Variants in SLC14A2 observed in about 807,000 individuals in gnomAD.
SLC14A2 encodes the protein urea transporter 2.
In SLC14A2, 91 loss-of-function variants were observed where a neutral mutation model predicts 104.6. The observed-to-expected ratio is 0.87, with a 90% CI of 0.73 to 1.04. SLC14A2 has a LOEUF of 1.04. SLC14A2 is among the 50% of genes least tolerant of loss of function. The pLI is 0.00. For missense variants in SLC14A2, 1,189 were observed against 1,156.0 expected, an observed-to-expected ratio of 1.03 and a Z score of -0.41; for synonymous variants, 476 against 466.4, an observed-to-expected ratio of 1.02 and a Z score of -0.27.
At chr18:45,445,106 C>CTTTTTTTT (rs34188378) in intron 1 of SLC14A2, among the ~76,000 whole-genome samples, 2 of 94,748 alleles carry the variant, frequency 2.1e-5, no homozygotes, top group African/African-American at 4.3e-5. Flanking sequence ...AATTGACATG[C>CTTTTTTTT]TTTTTTTTTT....
chr18:45,199,711 TGGTTGTATG>T, the SLC14A2 span, among the ~76,000 whole-genome samples: 2 of 152,192 alleles, frequency 1.3e-5, no homozygotes, highest in Non-Finnish European at 2.9e-5. Context: ...TCAAACCTCT[TGGTTGTATG>T]GGTTGTCTGG....
intron 1 of SLC14A2, among the ~76,000 whole-genome samples, chr18:45,299,397 GTGCACACACACATGTGCGCA>G (rs1458137346): frequency 6.6e-6 from 1 of 152,220 alleles, no homozygotes; most frequent in African/African-American, 2.4e-5. Context: ...AAAGCCAGGG[GTGCACACACACATGTGCGCA>G]TGCACACACA....
chr18:45,644,964 G>C (rs1434565753), intron 10 of SLC14A2, among the ~76,000 whole-genome samples: 1 of 152,102 alleles, frequency 6.6e-6, no homozygotes, highest in Non-Finnish European at 1.5e-5. Flanking sequence ...CCGTCATCTA[G>C]GTTTTAAGCC....
rs140495527 is a variant in SLC14A2, at chr18:45,217,456, G to A, written c.-125+4265G>A. Among the ~76,000 whole-genome samples the A allele has an allele frequency of 1.5e-3, 231 of 152,132 alleles. 2 individuals are homozygous for A. Among genetic ancestry groups the A allele is most frequent in the Middle Eastern group, 6.8e-3 (2 of 294 alleles). The stretch of plus-strand genomic sequence containing the variant: ...ATAGTAGCCACAGTGGGTTAGAACA[G>A]TGAGGAATGGCTTTCTTTTAGGCAG... On this transcript the variant is annotated intron_variant, in intron 1 of 20. Transcript: ENST00000586448.
At chr18:45,585,607 G>A (rs1239464545) in intron 2 of SLC14A2, among the ~76,000 whole-genome samples, 1 of 152,168 alleles carries the variant, frequency 6.6e-6, no homozygotes, top group Non-Finnish European at 1.5e-5. Flanking sequence ...TACCCACCCT[G>A]CAAGGCAGAT....
At chr18:45,605,379 C>A (rs2044852119) in intron 2 of SLC14A2, among the ~76,000 whole-genome samples, 1 of 152,134 alleles carries the variant, frequency 6.6e-6, no homozygotes, top group Non-Finnish European at 1.5e-5. Flanking sequence ...TAAAATATAA[C>A]CCCCTCTGGA....
In SLC14A2 at chr18:45,455,859, T is replaced by C. The variant is rs80102186; in HGVS notation, c.-124-27374T>C. ...GCTATGAAAAACTTGAAGCAAGATA[T>C]AGGAGAAAGAGTGATGGAGTGAGAA... On this transcript the variant is annotated intron_variant, in intron 1 of 20. Coordinates refer to the SLC14A2 transcript ENST00000586448. Among the ~76,000 whole-genome samples the C allele has an allele frequency of 9.5e-3, 1,445 of 152,158 alleles. 13 individuals carry two copies. Among genetic ancestry groups the C allele is most frequent in the Non-Finnish European group, 0.014 (978 of 67,996 alleles).
chr18:45,260,597 G>A (rs1307345496), intron 1 of SLC14A2, among the ~76,000 whole-genome samples: 2 of 151,996 alleles, frequency 1.3e-5, no homozygotes, highest in African/African-American at 4.8e-5. Flanking sequence ...AAGAAAATAA[G>A]GTACATATAT....
intron 7 of SLC14A2, among the ~76,000 whole-genome samples, chr18:45,640,544 G>A (rs534371417): frequency 6.6e-6 from 1 of 152,294 alleles, no homozygotes; most frequent in East Asian, 1.9e-4. Context: ...CATTTAAATA[G>A]GTATTTGCTC....
At chr18:45,539,476 T>G (rs536570809) in intron 2 of SLC14A2, among the ~76,000 whole-genome samples, 26 of 152,292 alleles carry the variant, frequency 1.7e-4, no homozygotes, top group Admixed American at 6.5e-4. Flanking sequence ...GAGGTGGGAC[T>G]TGCAAGGGCC....
At chr18:45,303,136 C>T (rs2084984605) in intron 1 of SLC14A2, among the ~76,000 whole-genome samples, 1 of 152,196 alleles carries the variant, frequency 6.6e-6, no homozygotes, top group African/African-American at 2.4e-5. Flanking sequence ...ACAGCAGATT[C>T]ACAGAGACTC....
intron 1 of SLC14A2, among the ~76,000 whole-genome samples, chr18:45,414,359 A>AC (rs1272942520): frequency 6.6e-6 from 1 of 152,144 alleles, no homozygotes; most frequent in Non-Finnish European, 1.5e-5. Flanking sequence ...ATAATGGCAC[A>AC]CTCAGAATCT....
At chr18:45,188,912 A>C in the SLC14A2 span, among the ~76,000 whole-genome samples, 1 of 152,208 alleles carries the variant, frequency 6.6e-6, no homozygotes, top group Admixed American at 6.5e-5. Flanking sequence ...GCTATCTGAC[A>C]ACATGCCCAG....
the SLC14A2 span, among the ~76,000 whole-genome samples, chr18:45,172,164 A>C: frequency 5.9e-5 from 9 of 152,160 alleles, no homozygotes; most frequent in Admixed American, 5.9e-4. Flanking sequence ...CACTCCCCAC[A>C]GGGACCCTTG....
In SLC14A2 at chr18:45,682,445, A is replaced by G. The variant is rs1403902477; in HGVS notation, c.2689A>G (p.Ile897Val). The change falls in exon 20 of 20, where the codon ATC becomes GTC. Residue 897 changes from isoleucine to valine, a missense_variant. Coordinates refer to ENST00000255226, the MANE Select transcript of SLC14A2 (RefSeq NM_007163.4). ...AGTCACCTACCCAGAGGCCAACCGCATCTACTACCTGTCCCAGGAGAGAAA... is the reference window on the plus strand; with the variant it reads ...AGTCACCTACCCAGAGGCCAACCGCGTCTACTACCTGTCCCAGGAGAGAAA... ...SKVTYPEANR[I>V]YYLSQERNRR... 6.2e-7 allele frequency: 1 copy of G among 1,614,206 alleles called. No homozygotes were observed.
intron 1 of SLC14A2, among the ~76,000 whole-genome samples, chr18:45,617,450 G>A (rs1469083614): frequency 6.6e-6 from 1 of 151,734 alleles, no homozygotes; most frequent in Non-Finnish European, 1.5e-5. Context: ...CTGACCCGCT[G>A]GCCCCAGTGA....
chr18:45,510,368 G>A (rs574391233), intron 2 of SLC14A2, among the ~76,000 whole-genome samples: 35 of 152,234 alleles, frequency 2.3e-4, no homozygotes, highest in Admixed American at 1.3e-3. Context: ...CATACTAAGC[G>A]TAGGTTTGAT....
At chr18:45,490,825 T>A (rs1016325796) in intron 2 of SLC14A2, among the ~76,000 whole-genome samples, 1 of 152,134 alleles carries the variant, frequency 6.6e-6, no homozygotes, top group African/African-American at 2.4e-5. Context: ...AAGCAGGCAG[T>A]TCACAGAAAT....
chr18:45,635,540 A>G (rs377033225), intron 5 of SLC14A2, among the ~76,000 whole-genome samples: 7 of 152,344 alleles, frequency 4.6e-5, no homozygotes, highest in African/African-American at 1.7e-4. Context: ...GATAGATGCC[A>G]TTGGTGAAAT....
Sources: gnomAD v4.1 joint callset for allele counts (sites outside exome capture counted in the v4.1 genomes callset) on GRCh38, gnomAD v4.1.1 for gene constraint, MANE v1.5 for transcripts, NCBI Gene and HGNC (gene_info 2026-07-23, HGNC 2026-07-21) for gene names.